SOAT1: variants seen among roughly 807,000 people sequenced by gnomAD.
The protein encoded by SOAT1 is acyl-coenzyme A:cholesterol acyltransferase 1.
Under a neutral mutation model 69.5 loss-of-function variants are expected in SOAT1, and 55 were observed. The ratio of observed to expected loss-of-function variants is 0.79; its 90% CI spans 0.64 to 0.99. SOAT1 has a LOEUF of 0.99. SOAT1 is among the 50% of genes least tolerant of loss of function. The probability of loss-of-function intolerance (pLI) is 0.00; values close to 1 mark genes in which losing one functional copy is unlikely to be tolerated. For missense variants in SOAT1, 580 were observed against 669.3 expected (o/e 0.87, Z 1.47); for synonymous variants, 231 against 224.7 (o/e 1.03, Z -0.25).
intron 7 of SOAT1, 89 bp downstream of exon 7, chr1:179,341,399 T>A: frequency 7.8e-7 from 1 of 1,277,430 alleles, no homozygotes; most frequent in Non-Finnish European, 1.1e-6. Flanking sequence ...TATTTTTAGC[T>A]GTATTAACTT....
At chr1:179,294,680 C>T (rs1251973528) in intron 1 of SOAT1, among the ~76,000 whole-genome samples, 1 of 151,950 alleles carries the variant, frequency 6.6e-6, no homozygotes. Context: ...TACAGGCGTG[C>T]GCCACCACGC....
chr1:179,342,149 A>G lies in SOAT1; in HGVS notation c.816A>G (p.Arg272=). 1 of 1,613,660 alleles carries G rather than the reference A, an allele frequency of 6.2e-7. No homozygotes were observed. The highest frequency in any genetic ancestry group is 2.2e-5 in the East Asian group (1 of 44,848). The change falls in exon 8 of 16, where the codon AGA becomes AGG. Residue 272 remains arginine (R), a synonymous_variant. Coordinates refer to ENST00000367619, the MANE Select transcript of SOAT1 (RefSeq NM_003101.6). The part of the protein sequence containing the change: ...RFVMKAHSFV[R]ENVPRVLNSA... ...TAATGAAGGCCCACTCATTTGTCAG[A>G]GAGAACGTGCCTCGGGTACTAAATT...
At chr1:179,319,569 G>A (rs150989641) in intron 2 of SOAT1, among the ~76,000 whole-genome samples, 2 of 151,746 alleles carry the variant, frequency 1.3e-5, no homozygotes, top group Admixed American at 6.6e-5. Context: ...CGCACCTGGC[G>A]TACTTTGCCT....
intron 3 of SOAT1, among the ~76,000 whole-genome samples, chr1:179,331,343 T>C (rs941758895): frequency 1.3e-5 from 2 of 152,206 alleles, no homozygotes; most frequent in African/African-American, 4.8e-5. Flanking sequence ...CATTAAGTGC[T>C]GGGATTTTAA....
chr1:179,342,688 G>C lies in SOAT1; in HGVS notation c.860-174G>C, dbSNP rs537522572. 7.9e-4 allele frequency among the ~76,000 whole-genome samples: 120 copies of C among 152,272 alleles called. 1 individual carries two copies. The highest frequency in any genetic ancestry group is 1.5e-3 in the Non-Finnish European group (100 of 68,028). ...AGGAATAACTTGGTTTAAAGAGATT[G>C]GTAATATTCAATTCGTGCAAGAATA... On this transcript the variant is annotated intron_variant, in intron 8 of 15. Transcript: ENST00000367619.
In SOAT1 at chr1:179,328,965, G is replaced by A. The variant is rs938057110; in HGVS notation, c.177+5470G>A. Reference sequence around the variant, plus strand: ...GGAGGCTGAGGTGGGAAGATCATTTGAGCCCAGCAGGTGGAGGTTGCAATG... The same window carrying A: ...GGAGGCTGAGGTGGGAAGATCATTTAAGCCCAGCAGGTGGAGGTTGCAATG... On this transcript the variant is annotated intron_variant, in intron 3 of 15. Transcript: ENST00000367619. Among the ~76,000 whole-genome samples the A allele has an allele frequency of 1.7e-4, 25 of 150,694 alleles. No homozygotes were observed. In the East Asian group the frequency reaches 4.9e-3, roughly 29 times the overall value.
intron 3 of SOAT1, among the ~76,000 whole-genome samples, chr1:179,327,128 A>AT (rs1335063333): frequency 6.6e-6 from 1 of 152,144 alleles, no homozygotes; most frequent in Non-Finnish European, 1.5e-5. Context: ...AATTGGTCAC[A>AT]TTTTTTTAGT....
chr1:179,322,054 A>G (rs1665624124), intron 2 of SOAT1, among the ~76,000 whole-genome samples: 1 of 151,168 alleles, frequency 6.6e-6, no homozygotes, highest in African/African-American at 2.4e-5. Context: ...GCTAATTTTA[A>G]AACTTTTTTT....
intron 4 of SOAT1, among the ~76,000 whole-genome samples, chr1:179,337,021 T>C (rs2124985399): frequency 6.6e-6 from 1 of 151,992 alleles, no homozygotes; most frequent in Admixed American, 6.6e-5. Flanking sequence ...TATCATTACG[T>C]GCCTCTCTAT....
At position 179,341,123 on chromosome 1, in the gene SOAT1, T is replaced by G. The variant is rs111426580; in HGVS notation, c.593T>G (p.Val198Gly). 833 of 1,614,080 alleles carry G rather than the reference T, an allele frequency of 5.2e-4. 2 individuals are homozygous for G. In the African/African-American group the frequency reaches 6.3e-3, roughly 12 times the overall value. ...WWIMFLSTFS[V>G]PYFLFQHWAT... ...ATCATGTTCCTGTCTACATTTTCAG[T>G]TCCCTATTTTCTGTTTCAACATTGG... The change falls in exon 7 of 16, where the codon GTT (valine) becomes GGT (glycine). Residue 198 changes from valine to glycine, a missense_variant. Val to Gly is a moderately radical substitution (Grantham distance 109). Coordinates refer to ENST00000367619, the MANE Select transcript of SOAT1 (RefSeq NM_003101.6).
At chr1:179,347,546 C>A in intron 11 of SOAT1, 54 bp from the exon 12 acceptor site, 1 of 974,778 alleles carries the variant, frequency 1.0e-6, no homozygotes, top group Non-Finnish European at 1.6e-6. Context: ...TAATTAGTTG[C>A]TTGGTATGTG....
chr1:179,303,949 A>G (rs1306352431), intron 2 of SOAT1, among the ~76,000 whole-genome samples: 1 of 152,126 alleles, frequency 6.6e-6, no homozygotes, highest in Admixed American at 6.6e-5. Context: ...ACTGTATATG[A>G]TCATTCTCTT....
intron 2 of SOAT1, among the ~76,000 whole-genome samples, chr1:179,313,671 G>A (rs900494577): frequency 1.3e-5 from 2 of 151,866 alleles, no homozygotes; most frequent in Non-Finnish European, 2.9e-5. Flanking sequence ...CGCAACCTCC[G>A]CCTCCCAGGT....
chr1:179,317,844 CATT>C (rs1299187181), intron 2 of SOAT1, among the ~76,000 whole-genome samples: 1 of 151,960 alleles, frequency 6.6e-6, no homozygotes, highest in African/African-American at 2.4e-5. Flanking sequence ...TTTAGTATCT[CATT>C]ATTCACAAAC....
intron 3 of SOAT1, among the ~76,000 whole-genome samples, chr1:179,327,701 G>T (rs1057293179): frequency 3.3e-5 from 5 of 152,150 alleles, no homozygotes; most frequent in African/African-American, 9.7e-5. Context: ...AACCAACAAA[G>T]AACTCTGTGA....
intron 2 of SOAT1, among the ~76,000 whole-genome samples, chr1:179,305,138 T>C (rs1271364620): frequency 2.0e-5 from 3 of 152,188 alleles, no homozygotes; most frequent in Non-Finnish European, 4.4e-5. Context: ...ACTAATATAC[T>C]TCCTGTCACT....
chr1:179,337,304 A>G (rs151271116), intron 4 of SOAT1, among the ~76,000 whole-genome samples: 3 of 152,344 alleles, frequency 2.0e-5, no homozygotes, highest in Non-Finnish European at 4.4e-5. Flanking sequence ...AGTAACTTGC[A>G]GCAACCTTTA....
chr1:179,319,708 A>T (rs1319360364), intron 2 of SOAT1, among the ~76,000 whole-genome samples: 1 of 152,028 alleles, frequency 6.6e-6, no homozygotes, highest in Admixed American at 6.6e-5. Context: ...CTTCTGCTTC[A>T]TAGGTTCAAG....
At chr1:179,317,678 G>A (rs925082546) in intron 2 of SOAT1, among the ~76,000 whole-genome samples, 3 of 147,838 alleles carry the variant, frequency 2.0e-5, no homozygotes, top group Admixed American at 1.4e-4. Flanking sequence ...CAAACTAGAC[G>A]TTGTGGTTTT....
Sources: allele counts gnomAD v4.1 joint callset (sites outside exome capture counted in the v4.1 genomes callset), GRCh38; gene constraint gnomAD v4.1.1; transcripts MANE v1.5; gene names NCBI Gene and HGNC (gene_info 2026-07-23, HGNC 2026-07-21).